AP1S3: variants seen among roughly 807,000 people sequenced by gnomAD.
AP1S3 encodes the protein AP-1 complex subunit sigma-3.
In AP1S3, 10 loss-of-function variants were observed where a neutral mutation model predicts 20.9. That is an observed-to-expected ratio of 0.48 (90% CI 0.29 to 0.81). AP1S3 has a LOEUF of 0.81. Among genes scored for constraint, AP1S3 ranks in the 30% least tolerant of loss-of-function variants. The probability of loss-of-function intolerance (pLI) is 0.08; values close to 1 mark genes in which losing one functional copy is unlikely to be tolerated. For missense variants in AP1S3, 154 were observed against 183.8 expected (o/e 0.84, Z 0.94); for synonymous variants, 41 against 61.5 (o/e 0.67, Z 1.56).
chr2:223,814,826 G>C (rs1267045504), intron 1 of AP1S3, among the ~76,000 whole-genome samples: 1 of 152,098 alleles, frequency 6.6e-6, no homozygotes, highest in Non-Finnish European at 1.5e-5. Context: ...ACCCAGGCTG[G>C]TGTACAATGG....
intron 1 of AP1S3, among the ~76,000 whole-genome samples, chr2:223,798,047 TTCTGAGG>T (rs1691385294): frequency 6.6e-6 from 1 of 152,230 alleles, no homozygotes; most frequent in Non-Finnish European, 1.5e-5. Context: ...GTCAAATCTA[TTCTGAGG>T]TCAAAGTCTC....
intron 1 of AP1S3, among the ~76,000 whole-genome samples, chr2:223,789,250 C>G (rs376031230): frequency 6.6e-6 from 1 of 151,690 alleles, no homozygotes; most frequent in African/African-American, 2.4e-5. Flanking sequence ...AGATGAAGTT[C>G]CTATGTCAAT....
intron 1 of AP1S3, among the ~76,000 whole-genome samples, chr2:223,828,759 G>A (rs1692191378): frequency 6.6e-6 from 1 of 152,194 alleles, no homozygotes; most frequent in African/African-American, 2.4e-5. Context: ...CCTGCATTCA[G>A]AAGGACCCAA....
Position 223,796,708 on chromosome 2 carries a change from G to A in AP1S3, c.4-18839C>T, listed in dbSNP as rs527967647. The stretch of plus-strand genomic sequence containing the variant: ...GATGGAGTTTCATTCTTGTCACCTA[G>A]GCTAGAGTGCAGTGGCGCAATCTCA... On this transcript the variant is annotated intron_variant, in intron 1 of 4. Transcript: ENST00000396654. 7.2e-4 allele frequency among the ~76,000 whole-genome samples: 109 copies of A among 152,154 alleles called. 3 individuals carry two copies. In the Middle Eastern group the frequency reaches 0.014, roughly 19 times the overall value.
chr2:223,771,095 G>T (rs1348133583), intron 3 of AP1S3, among the ~76,000 whole-genome samples: 1 of 152,146 alleles, frequency 6.6e-6, no homozygotes, highest in South Asian at 2.1e-4. Flanking sequence ...AGCACTTTGG[G>T]GGGGCTGAGG....
At chr2:223,760,869 T>C (rs1690337461) in intron 4 of AP1S3, among the ~76,000 whole-genome samples, 1 of 152,220 alleles carries the variant, frequency 6.6e-6, no homozygotes, top group Non-Finnish European at 1.5e-5. Context: ...AGTTAAAATA[T>C]CTTATTTTTG....
intron 1 of AP1S3, among the ~76,000 whole-genome samples, chr2:223,830,931 ATTCTAT>A (rs1160917588): frequency 1.3e-5 from 2 of 152,226 alleles, no homozygotes; most frequent in African/African-American, 4.8e-5. Context: ...TGTCGATAAC[ATTCTAT>A]TTCTAACTTG....
At chr2:223,810,707 A>C (rs1259064463) in intron 1 of AP1S3, among the ~76,000 whole-genome samples, 1 of 150,510 alleles carries the variant, frequency 6.6e-6, no homozygotes, top group Non-Finnish European at 1.5e-5. Flanking sequence ...AAAAGTCTAC[A>C]TACCTAAATG....
At chr2:223,831,862 G>T (rs1377282677) in intron 1 of AP1S3, among the ~76,000 whole-genome samples, 1 of 152,226 alleles carries the variant, frequency 6.6e-6, no homozygotes, top group East Asian at 1.9e-4. Context: ...AGATCACGAG[G>T]TCAGGAGATC....
At chr2:223,801,064 A>T (rs1691456197) in intron 1 of AP1S3, among the ~76,000 whole-genome samples, 1 of 151,932 alleles carries the variant, frequency 6.6e-6, no homozygotes, top group Admixed American at 6.6e-5. Context: ...TATGCAAATA[A>T]TTATAACCAG....
chr2:223,768,065 T>A (rs1690523167), intron 3 of AP1S3, among the ~76,000 whole-genome samples: 1 of 152,216 alleles, frequency 6.6e-6, no homozygotes, highest in South Asian at 2.1e-4. Flanking sequence ...GCTAAAATGC[T>A]GATCTTGTGC....
intron 3 of AP1S3, among the ~76,000 whole-genome samples, chr2:223,768,995 T>C (rs1690546935): frequency 6.6e-6 from 1 of 152,218 alleles, no homozygotes; most frequent in African/African-American, 2.4e-5. Flanking sequence ...TTCCTCCATA[T>C]ACTTACAAGT....
chr2:223,836,394 A>AC (rs1461005020), intron 1 of AP1S3, among the ~76,000 whole-genome samples: 1 of 151,762 alleles, frequency 6.6e-6, no homozygotes, highest in Non-Finnish European at 1.5e-5. Flanking sequence ...TTCCAACCTG[A>AC]CCCCCTATCC....
intron 1 of AP1S3, among the ~76,000 whole-genome samples, chr2:223,817,736 C>T (rs1320069432): frequency 6.6e-6 from 1 of 151,862 alleles, no homozygotes; most frequent in African/African-American, 2.4e-5. Context: ...GAGATAGACA[C>T]AACAGCTATG....
At chr2:223,834,530 C>A (rs1341477515) in intron 1 of AP1S3, among the ~76,000 whole-genome samples, 1 of 152,062 alleles carries the variant, frequency 6.6e-6, no homozygotes, top group Admixed American at 6.6e-5. Context: ...GTTGAGGCTG[C>A]AGTAAGCCAT....
At chr2:223,837,420 C>T in intron 1 of AP1S3, 28 bp downstream of exon 1, 3 of 1,218,088 alleles carry the variant, frequency 2.5e-6, no homozygotes, top group South Asian at 3.5e-5. Flanking sequence ...CCACCGCCTA[C>T]CCGGGCCGGC....
chr2:223,769,875 G>C (rs1231872588), intron 3 of AP1S3, among the ~76,000 whole-genome samples: 1 of 151,482 alleles, frequency 6.6e-6, no homozygotes, highest in East Asian at 2.0e-4. Context: ...CTCCCGAGTA[G>C]CTGGGACTAC....
chr2:223,775,519 A>G (rs1690762039), intron 3 of AP1S3, among the ~76,000 whole-genome samples: 2 of 152,194 alleles, frequency 1.3e-5, no homozygotes, highest in African/African-American at 2.4e-5. Flanking sequence ...TATTTGTGGT[A>G]TGAAGATAAA....
chr2:223,780,711 A>G (rs1430147008), intron 1 of AP1S3, among the ~76,000 whole-genome samples: 1 of 149,692 alleles, frequency 6.7e-6, no homozygotes, highest in Non-Finnish European at 1.5e-5. Flanking sequence ...GATTACAGGC[A>G]TGAACCACCA....
Sources: gnomAD v4.1 joint callset for allele counts (sites outside exome capture counted in the v4.1 genomes callset) on GRCh38, gnomAD v4.1.1 for gene constraint, MANE v1.5 for transcripts, NCBI Gene and HGNC (gene_info 2026-07-23, HGNC 2026-07-21) for gene names.